The following ELMO3 variants were observed in gnomAD, a reference collection of about 807,000 sequenced individuals.
ELMO3 encodes engulfment and cell motility protein 3.
In ELMO3, 81 loss-of-function variants were observed where a neutral mutation model predicts 89.0. The ratio of observed to expected loss-of-function variants is 0.91; its 90% CI spans 0.76 to 1.09. ELMO3 has a LOEUF of 1.09. Ranked by LOEUF, ELMO3 falls within the 50% of genes least tolerant of loss-of-function variation. The pLI, the probability that ELMO3 is intolerant of heterozygous loss-of-function variation, is 0.00. For missense variants in ELMO3, 959 were observed against 972.8 expected, an observed-to-expected ratio of 0.99 and a Z score of 0.19; for synonymous variants, 406 against 400.6, an observed-to-expected ratio of 1.01 and a Z score of -0.16.
rs2033108460 is a variant in ELMO3, at chr16:67,201,510, T to A, written c.796-10T>A. The A allele has an allele frequency of 6.2e-7, 1 of 1,613,906 alleles. No homozygotes were observed. The highest frequency in any genetic ancestry group is 1.1e-5 in the South Asian group (1 of 91,094). On this transcript the variant is annotated splice_polypyrimidine_tract_variant and intron_variant, in intron 9 of 19. Coordinates refer to ENST00000393997, the MANE Select transcript of ELMO3 (RefSeq NM_024712.5). Reference sequence around the variant, plus strand: ...GCCCTCGCTTACACCAGGGACTGGCTGTCCTGCAGAACATCATCCACAGTG... The same window carrying A: ...GCCCTCGCTTACACCAGGGACTGGCAGTCCTGCAGAACATCATCCACAGTG...
rs2033184434 is a variant in ELMO3, at chr16:67,203,800, C to G, written c.2086C>G (p.Pro696Ala). Residue 696 changes from proline (P) to alanine (A), a missense_variant, in exon 20 of 20, where the codon CCC (proline) becomes GCC (alanine). Transcript: ENST00000393997. The surrounding 1 kb of genome is among the most constrained non-coding windows in gnomAD (Gnocchi z 4.6). Reference sequence around the variant, plus strand: ...GCTGGAGCTGGAGAACGTGCCCATCCCCGAGCGGCCACCCCCTGTGCCCCC... The same window carrying G: ...GCTGGAGCTGGAGAACGTGCCCATCGCCGAGCGGCCACCCCCTGTGCCCCC... ...RLLELENVPI[P>A]ERPPPVPPPP... is the part of the protein sequence containing the mutation. The G allele has an allele frequency of 1.1e-5, 17 of 1,611,874 alleles. No homozygotes were observed. Among genetic ancestry groups the G allele is most frequent in the Non-Finnish European group, 1.4e-5 (17 of 1,179,548 alleles).
Position 67,200,433 on chromosome 16 carries a change from C to T in ELMO3, c.414-18C>T, listed in dbSNP as rs2033073299. The stretch of plus-strand genomic sequence containing the variant: ...GTCCTGGGGTGGTCCTGCTCAGCCC[C>T]AGATGTCCCCCCTCCAGCCTAGGAG... On this transcript the variant is annotated intron_variant, in intron 5 of 19. Transcript: ENST00000393997. 1.9e-6 allele frequency: 3 copies of T among 1,611,588 alleles called. No homozygotes were observed. The highest frequency in any genetic ancestry group is 1.7e-5 in the Admixed American group (1 of 59,952).
intron 13 of ELMO3, 44 bp downstream of exon 13, chr16:67,202,328 C>T (rs773781990): frequency 2.5e-6 from 4 of 1,613,348 alleles, no homozygotes; most frequent in Non-Finnish European, 2.5e-6. Context: ...GAGCAGGGGA[C>T]GGAAGGGCAG....
chr16:67,199,496 C>G (rs1245460334), intron 1 of ELMO3, 57 bp from the exon 2 acceptor site: 2 of 1,537,954 alleles, frequency 1.3e-6, no homozygotes, highest in Non-Finnish European at 1.8e-6. Flanking sequence ...CCCCTCCCCC[C>G]AGGCTCCTCC....
At position 67,199,212 on chromosome 16, in the gene ELMO3, G is replaced by A. The variant is rs748136602; in HGVS notation, c.-115G>A. On this transcript the variant is annotated 5_prime_UTR_variant, in exon 1 of 20. Coordinates refer to ENST00000393997, the MANE Select transcript of ELMO3 (RefSeq NM_024712.5). ...TGGGCCGCGAGTGCGGGACACCGAG[G>A]TCAGGTCTCGGAAAGGGAGGACCTC... 33 of 1,611,294 alleles carry A rather than the reference G, an allele frequency of 2.0e-5. No homozygotes were observed. Among genetic ancestry groups the A allele is most frequent in the Non-Finnish European group, 2.7e-5 (32 of 1,179,540 alleles).
chr16:67,199,562 C>T lies in ELMO3; in HGVS notation c.88C>T (p.Leu30=), dbSNP rs754599779. 6.2e-7 allele frequency: 1 copy of T among 1,608,392 alleles called. No homozygotes were observed. The highest frequency in any genetic ancestry group is 1.1e-5 in the South Asian group (1 of 90,840). Residue 30 remains leucine, a synonymous_variant, in exon 2 of 20, where the codon CTG becomes TTG. Coordinates refer to ENST00000393997, the MANE Select transcript of ELMO3 (RefSeq NM_024712.5). ...ACCACTCCACTTGCAGGCGAAGCCC[C>T]TGGCCGCTGTGCTGAAGGAGGTGTG... ...QLIQLDQAKP[L]AAVLKEVCDA...
At chr16:67,201,328 A>G in intron 8 of ELMO3, 57 bp from the exon 9 acceptor site, 16 of 1,605,490 alleles carry the variant, frequency 1.0e-5, no homozygotes, top group Non-Finnish European at 1.4e-5. Context: ...AAGTGCTGGG[A>G]TTACAGGCGT....
chr16:67,203,661 C>A lies in ELMO3; in HGVS notation c.1951-4C>A. 6.2e-7 allele frequency: 1 copy of A among 1,613,694 alleles called. No homozygotes were observed. Among genetic ancestry groups the A allele is most frequent in the African/African-American group, 1.3e-5 (1 of 75,056 alleles). On this transcript the variant is annotated splice_polypyrimidine_tract_variant and splice_region_variant and intron_variant, in intron 19 of 19. Coordinates refer to ENST00000393997, the MANE Select transcript of ELMO3 (RefSeq NM_024712.5). This position sits in a 1 kb window ranked among gnomAD's most constrained non-coding sequence, Gnocchi z 4.6. Reference sequence around the variant, plus strand: ...AGACCCTCACGGCTCTGTGCCACCCCCAGTTCTACCTGTGGACAGATGGGC... The same window carrying A: ...AGACCCTCACGGCTCTGTGCCACCCACAGTTCTACCTGTGGACAGATGGGC...
Position 67,202,077 on chromosome 16 carries a change from G to A in ELMO3, c.1151G>A (p.Arg384Gln), listed in dbSNP as rs766287449. The A allele has an allele frequency of 8.1e-6, 13 of 1,612,978 alleles. No individual in the cohort carries two copies. Among genetic ancestry groups the A allele is most frequent in the East Asian group, 2.2e-5 (1 of 44,890 alleles). ...FSRNAPSAYS[R>Q]FVLENSSRED... ...AGAAACGCGCCCAGCGCGTACAGCC[G>A]GGTCGGTGACAGGGTAGGGTGGGGG... Residue 384 changes from arginine to glutamine, a missense_variant and splice_region_variant, in exon 12 of 20, where the codon CGG becomes CAG. Coordinates refer to ENST00000393997, the MANE Select transcript of ELMO3 (RefSeq NM_024712.5).
intron 8 of ELMO3, 52 bp downstream of exon 8, chr16:67,201,020 C>T (rs1011431017): frequency 3.7e-5 from 57 of 1,544,128 alleles, no homozygotes; most frequent in Non-Finnish European, 4.5e-5. Flanking sequence ...GGCGCTGCCC[C>T]ACCCTGAAGC....
chr16:67,203,627 C>T lies in ELMO3; in HGVS notation c.1951-38C>T, dbSNP rs1376073686. 6.2e-7 allele frequency: 1 copy of T among 1,613,872 alleles called. No homozygotes were observed. Among genetic ancestry groups the T allele is most frequent in the South Asian group, 1.1e-5 (1 of 91,060 alleles). ...GAGGTCGGCAGGTGGGCAGGGGAGG[C>T]AGATGGGCAGACCCTCACGGCTCTG... On this transcript the variant is annotated intron_variant, in intron 19 of 19. Transcript: ENST00000393997. This position sits in a 1 kb window ranked among gnomAD's most constrained non-coding sequence, Gnocchi z 4.6.
In ELMO3 at chr16:67,202,458, G is replaced by A. The variant is rs753219543; in HGVS notation, c.1323G>A (p.Glu441=). ...MFFGQDQSFH[E]LFCVGIQLLN... ...TCGGCCAAGACCAGAGCTTCCACGA[G>A]CTCTTCTGTGTGGGCATCCAGCTGT... Residue 441 remains glutamate, a synonymous_variant, in exon 14 of 20, where the codon GAG becomes GAA. Transcript: ENST00000393997. 4.3e-6 allele frequency: 7 copies of A among 1,613,470 alleles called. No individual in the cohort carries two copies. In the Admixed American group the frequency reaches 1.0e-4, roughly 23 times the overall value.
Position 67,201,845 on chromosome 16 carries a change from C to T in ELMO3, c.1022C>T (p.Ala341Val), listed in dbSNP as rs767645603. The T allele has an allele frequency of 6.2e-6, 10 of 1,610,112 alleles. No homozygotes were observed. The South Asian group carries it at 1.1e-4, about 18-fold the overall frequency. ...LSADRRRSLC[A>V]REFRKLGFSN... Reference sequence around the variant, plus strand: ...GCTGACCGTCGCCGTTCCCTCTGTGCCCGAGAGTTCCGCAAACTGGGCTTT... The same window carrying T: ...GCTGACCGTCGCCGTTCCCTCTGTGTCCGAGAGTTCCGCAAACTGGGCTTT... The change falls in exon 11 of 20, where the codon GCC becomes GTC. Residue 341 changes from alanine to valine, a missense_variant. Transcript: ENST00000393997.
rs1464584734 is a variant in ELMO3 at position 67,201,048 on chromosome 16, C to CT, written c.744+80_744+81insT. ...CCTGAAGCAAAATCCTCTAAGCCCC[C>CT]CTTTTTTTTTTTTTTGAGATGGAGT... On this transcript the variant is annotated intron_variant, in intron 8 of 19. Coordinates refer to ENST00000393997, the MANE Select transcript of ELMO3 (RefSeq NM_024712.5). 1,700 of 1,412,628 alleles carry CT rather than the reference C, an allele frequency of 1.2e-3. 3 individuals are homozygous for CT. The African/African-American group carries it at 0.015, about 12-fold the overall frequency. 87.5% of individuals were successfully genotyped at this position (1,412,628 alleles called of 1,614,324 possible).
In ELMO3 at chr16:67,203,512, G is replaced by GC. The variant is rs2033176258; in HGVS notation, c.1881dup (p.Phe628LeufsTer6). 1 of 1,613,834 alleles carries GC rather than the reference G, an allele frequency of 6.2e-7. No homozygotes were observed. Among genetic ancestry groups the GC allele is most frequent in the Non-Finnish European group, 8.5e-7 (1 of 1,179,940 alleles). On this transcript the variant is annotated frameshift_variant, in exon 19 of 20. Coordinates refer to ENST00000393997, the MANE Select transcript of ELMO3 (RefSeq NM_024712.5). LOFTEE classifies it high-confidence loss of function. The surrounding 1 kb of genome is among the most constrained non-coding windows in gnomAD (Gnocchi z 4.6). ...GCTTCCCCAGGACCTCTATGAGTTGGCCTTCTCAATCAGCTATGACCGTGG... is the reference window on the plus strand; with the variant it reads ...GCTTCCCCAGGACCTCTATGAGTTGGCCCTTCTCAATCAGCTATGACCGTGG...
In ELMO3 at chr16:67,199,421, C is replaced by G; in HGVS notation, c.78+17C>G. 6.2e-7 allele frequency: 1 copy of G among 1,602,450 alleles called. No individual in the cohort carries two copies. The highest frequency in any genetic ancestry group is 8.5e-7 in the Non-Finnish European group (1 of 1,178,834). ...CTGGACCAGGTCACCCGGCTGGTCC[C>G]GCCTCCATCTGCCCCACTGCCCCAC... On this transcript the variant is annotated intron_variant, in intron 1 of 19. Coordinates refer to ENST00000393997, the MANE Select transcript of ELMO3 (RefSeq NM_024712.5).
chr16:67,202,045 C>A lies in ELMO3; in HGVS notation c.1119C>A (p.Tyr373Ter). Residue 373 changes from tyrosine to a stop codon, truncating the protein, a stop_gained, in exon 12 of 20, where the codon TAC (tyrosine) becomes TAA (stop). Coordinates refer to ENST00000393997, the MANE Select transcript of ELMO3 (RefSeq NM_024712.5). LOFTEE classifies it high-confidence loss of function. ...PGLLALDNML[Y>*]FSRNAPSAYS... ...TGCTGGCCCTGGACAACATGTTGTACTTCTCCAGAAACGCGCCCAGCGCGT... is the reference window on the plus strand; with the variant it reads ...TGCTGGCCCTGGACAACATGTTGTAATTCTCCAGAAACGCGCCCAGCGCGT... 2.5e-6 allele frequency: 4 copies of A among 1,593,690 alleles called. No homozygotes were observed. The highest frequency in any genetic ancestry group is 2.6e-6 in the Non-Finnish European group (3 of 1,168,456).
intron 1 of ELMO3, 21 bp from the exon 2 acceptor site, chr16:67,199,532 G>A: frequency 1.9e-6 from 3 of 1,561,794 alleles, no homozygotes; most frequent in Non-Finnish European, 2.6e-6. Context: ...CAGGCCGCGA[G>A]AATGACCACT....
At chr16:67,202,858 AG>A (rs756395588) in intron 15 of ELMO3, 33 bp from the exon 16 acceptor site, 18 of 1,612,710 alleles carry the variant, frequency 1.1e-5, no homozygotes, top group Non-Finnish European at 1.5e-5. Context: ...GCTACTCCCC[AG>A]GTCAGATGTG....
Sources: allele counts gnomAD v4.1 joint callset, GRCh38; gene constraint gnomAD v4.1.1; non-coding constraint Gnocchi (gnomAD v3.1); transcripts MANE v1.5; gene names NCBI Gene and HGNC (gene_info 2026-07-23, HGNC 2026-07-21).